Variants in FHIT observed in about 807,000 individuals in gnomAD.
The protein encoded by FHIT is fragile histidine triad diadenosine triphosphatase.
Under a neutral mutation model 17.9 loss-of-function variants are expected in FHIT, and 19 were observed. The ratio of observed to expected loss-of-function variants is 1.06; its 90% confidence interval spans 0.74 to 1.56. The LOEUF (loss-of-function observed/expected upper bound fraction) is 1.56. Among genes scored for constraint, FHIT ranks in the 40% most tolerant of loss-of-function variants. The probability of loss-of-function intolerance (pLI) is 0.00; values close to 1 mark genes in which losing one functional copy is unlikely to be tolerated. For missense variants in FHIT, 248 were observed against 189.2 expected, an observed-to-expected ratio of 1.31 and a Z score of -1.82; for synonymous variants, 81 against 69.7, an observed-to-expected ratio of 1.16 and a Z score of -0.81.
intron 3 of FHIT, among the ~76,000 whole-genome samples, chr3:60,989,667 C>T (rs967775067): frequency 1.3e-5 from 2 of 152,162 alleles, no homozygotes; most frequent in African/African-American, 4.8e-5. Context: ...GAAAACTCTA[C>T]TTCTGTTAAA....
chr3:60,903,699 C>T (rs1250414945), intron 3 of FHIT, among the ~76,000 whole-genome samples: 1 of 152,152 alleles, frequency 6.6e-6, no homozygotes, highest in African/African-American at 2.4e-5. Flanking sequence ...CTCTAAACAT[C>T]TGGATTTCAG....
intron 3 of FHIT, among the ~76,000 whole-genome samples, chr3:60,857,323 C>T (rs757965755): frequency 5.3e-5 from 8 of 152,118 alleles, no homozygotes; most frequent in African/African-American, 9.7e-5. Flanking sequence ...AATCAGTGTC[C>T]TCCCTATCAT....
At chr3:60,007,137 A>G (rs928697536) in intron 7 of FHIT, among the ~76,000 whole-genome samples, 1 of 152,312 alleles carries the variant, frequency 6.6e-6, no homozygotes, top group Middle Eastern at 3.4e-3. Flanking sequence ...CCTGGAATAA[A>G]TCTGTCCTTA....
chr3:60,529,694 T>C (rs1367538431), intron 5 of FHIT, among the ~76,000 whole-genome samples: 2 of 152,204 alleles, frequency 1.3e-5, no homozygotes, highest in Admixed American at 1.3e-4. Context: ...TCAGTGATTG[T>C]TAACCATGAC....
chr3:61,013,186 G>A (rs2107627796), intron 3 of FHIT, among the ~76,000 whole-genome samples: 1 of 152,228 alleles, frequency 6.6e-6, no homozygotes, highest in South Asian at 2.1e-4. Flanking sequence ...AAGAAAAAAA[G>A]GAGCTTTCTG....
intron 5 of FHIT, among the ~76,000 whole-genome samples, chr3:60,308,462 A>C (rs1460372235): frequency 6.7e-6 from 1 of 148,532 alleles, no homozygotes; most frequent in Non-Finnish European, 1.5e-5. Flanking sequence ...CACTCTACCA[A>C]ATTGCACGTA....
intron 4 of FHIT, among the ~76,000 whole-genome samples, chr3:60,803,047 T>G (rs536773857): frequency 6.6e-6 from 1 of 152,330 alleles, no homozygotes; most frequent in Non-Finnish European, 1.5e-5. Flanking sequence ...GGAGAGTTTC[T>G]GTTTTCAACT....
intron 5 of FHIT, among the ~76,000 whole-genome samples, chr3:60,085,759 T>C (rs895989388): frequency 1.3e-5 from 2 of 152,160 alleles, no homozygotes; most frequent in Admixed American, 6.5e-5. Context: ...CTTGGACAAG[T>C]TGTTTATCTT....
chr3:59,966,160 G>A (rs1559504676), intron 7 of FHIT, among the ~76,000 whole-genome samples: 1 of 152,316 alleles, frequency 6.6e-6, no homozygotes, highest in South Asian at 2.1e-4. Flanking sequence ...CAAAGCAGAG[G>A]TATTCAAACA....
At chr3:60,835,875 A>G (rs781820527) in intron 3 of FHIT, among the ~76,000 whole-genome samples, 1 of 152,146 alleles carries the variant, frequency 6.6e-6, no homozygotes, top group Non-Finnish European at 1.5e-5. Flanking sequence ...TCGGCCTCCC[A>G]TCGTGTTGGG....
At chr3:59,802,743 T>C (rs1470069348) in intron 8 of FHIT, among the ~76,000 whole-genome samples, 1 of 152,216 alleles carries the variant, frequency 6.6e-6, no homozygotes, top group African/African-American at 2.4e-5. Context: ...CGCGTGACAA[T>C]TGTTTTATGT....
chr3:60,570,478 C>T (rs752499376), intron 4 of FHIT, among the ~76,000 whole-genome samples: 6 of 152,012 alleles, frequency 3.9e-5, no homozygotes, highest in Non-Finnish European at 7.4e-5. Flanking sequence ...GAACCTGTAA[C>T]TTATCTAACA....
At chr3:60,387,875 G>A (rs184245177) in intron 5 of FHIT, among the ~76,000 whole-genome samples, 2 of 152,212 alleles carry the variant, frequency 1.3e-5, no homozygotes, top group East Asian at 1.9e-4. Context: ...TGGGTCCCAG[G>A]GGCGGATCCC....
intron 5 of FHIT, among the ~76,000 whole-genome samples, chr3:60,193,808 G>A (rs1477080221): frequency 6.6e-6 from 1 of 152,156 alleles, no homozygotes; most frequent in South Asian, 2.1e-4. Flanking sequence ...TGAGAACATG[G>A]GGGCAGGAAA....
chr3:60,529,304 A>C (rs190074237), intron 5 of FHIT, among the ~76,000 whole-genome samples: 47 of 152,338 alleles, frequency 3.1e-4, no homozygotes, highest in African/African-American at 9.6e-4. Context: ...TATAATAAAA[A>C]TAAGGAACAT....
intron 7 of FHIT, among the ~76,000 whole-genome samples, chr3:59,960,952 T>G (rs925157774): frequency 2.0e-5 from 3 of 152,196 alleles, no homozygotes; most frequent in Non-Finnish European, 4.4e-5. Context: ...TAGATTAAAT[T>G]TGAATAGTGC....
At chr3:61,177,754 C>T (rs756299903) in intron 2 of FHIT, among the ~76,000 whole-genome samples, 2 of 152,206 alleles carry the variant, frequency 1.3e-5, no homozygotes, top group East Asian at 1.9e-4. Flanking sequence ...AACAAAACAA[C>T]CCCGGCCAAA....
At chr3:60,503,236 T>A (rs570947765) in intron 5 of FHIT, among the ~76,000 whole-genome samples, 14 of 152,344 alleles carry the variant, frequency 9.2e-5, no homozygotes, top group African/African-American at 2.9e-4. Flanking sequence ...ATTAGCATAA[T>A]ACATTCTCAC....
chr3:60,567,107 T>C (rs1488109124), intron 4 of FHIT, among the ~76,000 whole-genome samples: 2 of 151,112 alleles, frequency 1.3e-5, no homozygotes, highest in Non-Finnish European at 2.9e-5. Flanking sequence ...TGGAAAAAAC[T>C]ACTTTAAAGT....
Sources: gnomAD v4.1 joint callset for allele counts (sites outside exome capture counted in the v4.1 genomes callset) on GRCh38, gnomAD v4.1.1 for gene constraint, MANE v1.5 for transcripts, NCBI Gene and HGNC (gene_info 2026-07-23, HGNC 2026-07-21) for gene names.